The following LAMA2 variants were observed in gnomAD, a reference collection of about 807,000 sequenced individuals.
LAMA2 encodes laminin subunit alpha-2.
A neutral mutation model predicts 364.8 loss-of-function variants in LAMA2; 269 were observed. That is an observed-to-expected ratio of 0.74 (90% CI 0.67 to 0.82). LAMA2 has a LOEUF of 0.82. Among genes scored for constraint, LAMA2 ranks in the 40% least tolerant of loss-of-function variants. The probability of loss-of-function intolerance (pLI) is 0.00; values close to 1 mark genes in which losing one functional copy is unlikely to be tolerated. For synonymous variants in LAMA2, 1,379 were observed against 1,370.6 expected (o/e 1.01, Z -0.14); for missense variants, 3,807 against 3,873.2 (o/e 0.98, Z 0.45).
intron 1 of LAMA2, among the ~76,000 whole-genome samples, chr6:128,919,098 C>A (rs1778531375): frequency 6.6e-6 from 1 of 152,174 alleles, no homozygotes; most frequent in Non-Finnish European, 1.5e-5. Context: ...CATCACTTTT[C>A]ACTGTGTTCT....
rs147430700 is a variant in LAMA2, at chr6:129,481,320, A to G, written c.7630A>G (p.Ile2544Val). The G allele has an allele frequency of 2.5e-5, 41 of 1,613,772 alleles. No homozygotes were observed. Among genetic ancestry groups the G allele is most frequent in the East Asian group, 1.3e-4 (6 of 44,880 alleles). The change falls in exon 55 of 65, where the codon ATT becomes GTT. Residue 2544 changes from isoleucine to valine, a missense_variant. By Grantham distance (29) the Ile-to-Val change is conservative. Around this residue, in one of 3 missense-constraint regions of LAMA2, gnomAD observed 3,333 missense variants for 3,345.7 expected, o/e 1.00. Transcript: ENST00000421865. ...PGFVELSPVPIDVGTEINLSF... is the reference protein window; with the variant it reads ...PGFVELSPVPVDVGTEINLSF... The stretch of plus-strand genomic sequence containing the variant: ...TTTTGTGGAGCTCTCCCCTGTGCCA[A>G]TTGATGTAGGAACAGAAATCAACCT...
intron 4 of LAMA2, among the ~76,000 whole-genome samples, chr6:129,125,351 C>T (rs74975212): frequency 0.039 from 5,863 of 152,122 alleles, 387 homozygotes; most frequent in African/African-American, 0.13. Context: ...CTTAAAGATA[C>T]GAATTAGAGA....
chr6:129,452,630 C>G (rs1482954949), intron 45 of LAMA2, among the ~76,000 whole-genome samples: 1 of 152,116 alleles, frequency 6.6e-6, no homozygotes, highest in African/African-American at 2.4e-5. Context: ...ATTAAACAAC[C>G]TTAATGAAGG....
intron 41 of LAMA2, among the ~76,000 whole-genome samples, chr6:129,430,623 A>C (rs929928663): frequency 6.6e-6 from 1 of 152,232 alleles, no homozygotes; most frequent in Non-Finnish European, 1.5e-5. Context: ...GAGTGAAAAG[A>C]TGAATTAGTA....
At chr6:129,313,510 G>A (rs966593363) in intron 23 of LAMA2, among the ~76,000 whole-genome samples, 4 of 152,086 alleles carry the variant, frequency 2.6e-5, no homozygotes, top group Non-Finnish European at 5.9e-5. Context: ...ATCTGCAATC[G>A]CTGTATACTA....
chr6:128,904,039 T>C (rs1028532224), intron 1 of LAMA2, among the ~76,000 whole-genome samples: 6 of 152,172 alleles, frequency 3.9e-5, no homozygotes, highest in African/African-American at 1.4e-4. Context: ...TTTTATCCAT[T>C]CTAGAACCGC....
chr6:128,920,374 T>G (rs1778619680), intron 1 of LAMA2, among the ~76,000 whole-genome samples: 1 of 152,078 alleles, frequency 6.6e-6, no homozygotes, highest in Admixed American at 6.6e-5. Context: ...GCCATGTTGG[T>G]CTCGATCTCT....
intron 48 of LAMA2, among the ~76,000 whole-genome samples, chr6:129,457,821 G>C (rs11756481): frequency 6.6e-6 from 1 of 152,076 alleles, no homozygotes; most frequent in Non-Finnish European, 1.5e-5. Flanking sequence ...TTGGTGTTTA[G>C]TGAGAGCCAG....
At chr6:129,048,177 A>C (rs922330949) in intron 1 of LAMA2, among the ~76,000 whole-genome samples, 1 of 152,212 alleles carries the variant, frequency 6.6e-6, no homozygotes, top group Non-Finnish European at 1.5e-5. Context: ...GGCTATTATG[A>C]TTATAATTAT....
At chr6:128,945,005 A>G (rs1327862806) in intron 1 of LAMA2, among the ~76,000 whole-genome samples, 3 of 152,178 alleles carry the variant, frequency 2.0e-5, no homozygotes, top group Non-Finnish European at 4.4e-5. Flanking sequence ...CACATCCTAT[A>G]TCACTTTTGG....
chr6:129,514,490 C>T lies in LAMA2; in HGVS notation c.9106C>T (p.Arg3036Cys), dbSNP rs770673446. The change falls in exon 64 of 65, where the codon CGC becomes TGC. Residue 3036 changes from arginine to cysteine, a missense_variant. This residue lies in a region of LAMA2 where 3,333 missense variants were observed against 3,345.7 expected (regional missense o/e 1.00). Transcript: ENST00000421865. ...HKVTANKIKH[R>C]IELTVDGNQV... ...AGTCACTGCCAACAAGATCAAACAC[C>T]GCATTGAGCTCACAGTCGATGGGAA... is the stretch of plus-strand genomic sequence containing the variant. The T allele has an allele frequency of 2.9e-5, 47 of 1,614,040 alleles. No homozygotes were observed. The highest frequency in any genetic ancestry group is 6.7e-5 in the East Asian group (3 of 44,864).
chr6:129,502,591 G>T, intron 58 of LAMA2, 68 bp from the exon 59 acceptor site: 1 of 957,992 alleles, frequency 1.0e-6, no homozygotes, highest in South Asian at 1.3e-5. Flanking sequence ...GAAACAATTA[G>T]ACAGCATCAT....
At chr6:129,068,287 T>A (rs1160868901) in intron 3 of LAMA2, among the ~76,000 whole-genome samples, 2 of 152,228 alleles carry the variant, frequency 1.3e-5, no homozygotes, top group Non-Finnish European at 2.9e-5. Context: ...TCCTTTAAGG[T>A]TGAATGGCAT....
intron 1 of LAMA2, among the ~76,000 whole-genome samples, chr6:128,922,236 C>T (rs569909414): frequency 0.026 from 3,972 of 151,000 alleles, 53 homozygotes; most frequent in Middle Eastern, 0.034. Flanking sequence ...AATGGGATGG[C>T]TGGGTCAAAT....
intron 55 of LAMA2, among the ~76,000 whole-genome samples, chr6:129,484,616 T>C (rs772224401): frequency 1.3e-5 from 2 of 152,126 alleles, no homozygotes; most frequent in African/African-American, 2.4e-5. Context: ...TATAACTAAA[T>C]ATAACAACAT....
chr6:129,102,706 A>G (rs1014391164), intron 4 of LAMA2, among the ~76,000 whole-genome samples: 2 of 152,150 alleles, frequency 1.3e-5, no homozygotes, highest in African/African-American at 4.8e-5. Flanking sequence ...GTATAACAGA[A>G]GTTGTATTTG....
At chr6:129,083,785 C>A (rs547635617) in intron 3 of LAMA2, among the ~76,000 whole-genome samples, 1 of 152,264 alleles carries the variant, frequency 6.6e-6, no homozygotes, top group Admixed American at 6.5e-5. Context: ...AACGTATCAA[C>A]CTGGAATAGG....
In LAMA2 at chr6:129,312,990, C is replaced by G. The variant is rs755313913; in HGVS notation, c.3304C>G (p.Arg1102Gly). 1 of 1,614,020 alleles carries G rather than the reference C, an allele frequency of 6.2e-7. No individual in the cohort carries two copies. The highest frequency in any genetic ancestry group is 1.3e-5 in the African/African-American group (1 of 74,938). ...CAGTCGAGGTCACTGGAACTACCCT[C>G]GCTGCAATCTCTGTGACTGCTTCCT... is the stretch of plus-strand genomic sequence containing the variant. ...ECSRGHWNYP[R>G]CNLCDCFLPG... Residue 1102 changes from arginine to glycine, a missense_variant, in exon 23 of 65, where the codon CGC (arginine) becomes GGC (glycine). Coordinates refer to ENST00000421865, the MANE Select transcript of LAMA2 (RefSeq NM_000426.4).
chr6:129,416,240 G>A lies in LAMA2; in HGVS notation c.5866-11512G>A, dbSNP rs1341218503. ...CAGGCGTGAGCCACCGCGCCCGGCC[G>A]AAATTATACACTTTCTTTGATCAAC... On this transcript the variant is annotated intron_variant, in intron 40 of 64. Transcript: ENST00000421865. Among the ~76,000 whole-genome samples the A allele has an allele frequency of 1.3e-5, 2 of 151,724 alleles. 1 individual carries two copies. Among genetic ancestry groups the A allele is most frequent in the Non-Finnish European group, 2.9e-5 (2 of 67,918 alleles).
Sources: gnomAD v4.1 joint callset for allele counts (sites outside exome capture counted in the v4.1 genomes callset) on GRCh38, gnomAD v4.1.1 for gene constraint, gnomAD v4.1.1 regional missense constraint, MANE v1.5 for transcripts, NCBI Gene and HGNC (gene_info 2026-07-23, HGNC 2026-07-21) for gene names.